MUC4: variants seen among roughly 807,000 people sequenced by gnomAD.
MUC4 encodes mucin-4.
In MUC4, 202 loss-of-function variants were observed where a neutral mutation model predicts 257.9. That is an observed-to-expected ratio of 0.78 (90% CI 0.70 to 0.88). MUC4 has a LOEUF of 0.88. MUC4 is among the 40% of genes least tolerant of loss of function. MUC4 has a pLI of 0.00. For synonymous variants in MUC4, 2,351 were observed against 2,757.1 expected (o/e 0.85, Z 4.62); for missense variants, 5,976 against 6,513.7 (o/e 0.92, Z 2.84).
intron 14 of MUC4, 143 bp from the exon 15 acceptor site, chr3:195,761,728 G>A (rs1022241376): frequency 1.0e-5 from 7 of 672,342 alleles, no homozygotes; most frequent in African/African-American, 3.6e-5. Context: ...GGGGAGCCGG[G>A]AGGACGGGCC....
At chr3:195,778,567 C>A (rs1725560967) in intron 2 of MUC4, 112 bp from the exon 3 acceptor site, 4 of 1,427,484 alleles carry the variant, frequency 2.8e-6, no homozygotes, top group Non-Finnish European at 3.8e-6. Context: ...CTCCTTGTCT[C>A]TCCCCTGCTC....
chr3:195,775,919 C>G (rs1408504969), intron 3 of MUC4, among the ~76,000 whole-genome samples: 93 of 54,168 alleles, frequency 1.7e-3, no homozygotes, highest in Middle Eastern at 0.013. Context: ...ACCTTCCACA[C>G]CCATACCTTC....
intron 1 of MUC4, among the ~76,000 whole-genome samples, chr3:195,807,240 G>A (rs3096335): frequency 0.54 from 82,796 of 152,012 alleles, 23,684 homozygotes; most frequent in East Asian, 0.76. Flanking sequence ...GAGCCGAGGC[G>A]AGCGGATCAC....
At chr3:195,753,399 C>T in intron 19 of MUC4, 169 bp from the exon 20 acceptor site, 1 of 631,506 alleles carries the variant, frequency 1.6e-6, no homozygotes. Context: ...CTCTGCAGGG[C>T]AACCCCTTTC....
At position 195,767,564 on chromosome 3, in the gene MUC4, C is replaced by CCACCATCAT. The variant is rs1560261761; in HGVS notation, c.13530-814_13530-813insATGATGGTG. 3.5e-4 allele frequency among the ~76,000 whole-genome samples: 12 copies of CCACCATCAT among 34,714 alleles called. No homozygotes were observed. In the East Asian group the frequency reaches 7.0e-3, roughly 20 times the overall value. 22.8% of individuals were successfully genotyped at this position (34,714 alleles called of 152,430 possible). A position where few individuals can be genotyped will look rare whatever the true frequency, so the allele number is the denominator to read the frequency against. ...ATCATCACCATCACCATTACCATTG[C>CCACCATCAT]CACCACCATCACCACCACCATCACC... On this transcript the variant is annotated intron_variant, in intron 7 of 24. Transcript: ENST00000463781.
Position 195,788,942 on chromosome 3 carries a change from A to T in MUC4, c.2638T>A (p.Ser880Thr). ...TGTCCTGTCGGTCTCCCTGCAGTGG[A>T]GGCCTCAGAGAGGGTGGGATGAAAG... ...GTFHPTLSEA[S>T]TAGRPTGQSS... Residue 880 changes from serine (S) to threonine (T), a missense_variant, in exon 2 of 25, where the codon TCC becomes ACC. By Grantham distance (58) the Ser-to-Thr change is moderately conservative (BLOSUM62 1). Transcript: ENST00000463781. 6.2e-7 allele frequency: 1 copy of T among 1,613,532 alleles called. No homozygotes were observed. Among genetic ancestry groups the T allele is most frequent in the Non-Finnish European group, 8.5e-7 (1 of 1,179,692 alleles).
Position 195,793,878 on chromosome 3 carries a change from C to T in MUC4, c.83-2381G>A, listed in dbSNP as rs140051460. ...AAAACCCAAGGGGTAAATGCATATA[C>T]TCTTGCCCTGGTCACAGACTACCAA... On this transcript the variant is annotated intron_variant, in intron 1 of 24. Coordinates refer to ENST00000463781, the MANE Select transcript of MUC4 (RefSeq NM_018406.7). Among the ~76,000 whole-genome samples the T allele has an allele frequency of 1.0e-3, 156 of 152,262 alleles. 1 individual carries two copies. The highest frequency in any genetic ancestry group is 3.6e-3 in the African/African-American group (150 of 41,534).
Position 195,754,337 on chromosome 3 carries a change from G to T in MUC4, c.15204C>A (p.Gly5068=). The T allele has an allele frequency of 6.2e-7, 1 of 1,611,592 alleles. No individual in the cohort carries two copies. Among genetic ancestry groups the T allele is most frequent in the Non-Finnish European group, 8.5e-7 (1 of 1,179,444 alleles). Residue 5068 remains glycine, a synonymous_variant, in exon 19 of 25, where the codon GGC becomes GGA. Transcript: ENST00000463781. ...AGCKCDGGTF[G]RYCEGSEDAC... ...CATCCTCGGAGCCCTCGCAGTAGCG[G>T]CCGAAGGTGCCCCCGTCACACTTGC...
intron 1 of MUC4, among the ~76,000 whole-genome samples, chr3:195,794,500 C>T (rs1734321028): frequency 6.6e-6 from 1 of 152,116 alleles, no homozygotes; most frequent in Non-Finnish European, 1.5e-5. Context: ...GTAGCTGGGA[C>T]TACAGGCACA....
chr3:195,786,507 T>A lies in MUC4; in HGVS notation c.5073A>T (p.Thr1691=). Residue 1691 remains threonine (T), a synonymous_variant, in exon 2 of 25, where the codon ACA becomes ACT. Coordinates refer to ENST00000463781, the MANE Select transcript of MUC4 (RefSeq NM_018406.7). ...TGACAGGAAGACGGGTGGTGTCATC[T>A]GTGGTAGCTGAGGAAAGGCCGGTGA... ...LPVTGLSSAT[T]DDTTRLPVTD... is the part of the protein sequence containing the mutation. 6.7e-7 allele frequency: 1 copy of A among 1,496,486 alleles called. No individual in the cohort carries two copies. The highest frequency in any genetic ancestry group is 8.9e-7 in the Non-Finnish European group (1 of 1,120,158). 92.7% of individuals were successfully genotyped at this position (1,496,486 alleles called of 1,614,324 possible).
intron 7 of MUC4, among the ~76,000 whole-genome samples, chr3:195,767,907 T>TCACCACCACCATCACCACCATCAC (rs1447659178): frequency 1.6e-5 from 1 of 63,258 alleles, no homozygotes; most frequent in African/African-American, 7.1e-5. Flanking sequence ...ATCACCACCA[T>TCACCACCACCATCACCACCATCAC]CACCATCGCC....
chr3:195,769,191 G>C lies in MUC4; in HGVS notation c.13399-39C>G, dbSNP rs1018606822. The stretch of plus-strand genomic sequence containing the variant: ...GAAGAAAACACAGGGATGCCCGTGA[G>C]AGATCCGGGGTCTCCTCTCTTATGT... On this transcript the variant is annotated intron_variant, in intron 6 of 24. Coordinates refer to ENST00000463781, the MANE Select transcript of MUC4 (RefSeq NM_018406.7). The C allele has an allele frequency of 5.0e-6, 8 of 1,609,680 alleles. No homozygotes were observed. In the Admixed American group the frequency reaches 5.0e-5, roughly 10 times the overall value.
rs1171500620 is a variant in MUC4, at chr3:195,790,421, A to ATG, written c.1157_1158dup (p.Phe387HisfsTer4). The ATG allele has an allele frequency of 1.2e-6, 2 of 1,613,650 alleles. No individual in the cohort carries two copies. The highest frequency in any genetic ancestry group is 1.7e-5 in the Admixed American group (1 of 60,020). On this transcript the variant is annotated frameshift_variant, in exon 2 of 25. Transcript: ENST00000463781. LOFTEE classifies it high-confidence loss of function. ...CTGAACACCTTTGATGTTACCAGGAATGTATTGCTGACACTGGAAGGGGAT... is the reference window on the plus strand; with the variant it reads ...CTGAACACCTTTGATGTTACCAGGAATGTGTATTGCTGACACTGGAAGGGGAT...
intron 7 of MUC4, among the ~76,000 whole-genome samples, chr3:195,768,624 A>T (rs1722132199): frequency 6.6e-6 from 1 of 152,250 alleles, no homozygotes; most frequent in South Asian, 2.1e-4. Flanking sequence ...TAGAATGGGG[A>T]TGATAAATAG....
chr3:195,772,186 GGGGTGGAGCCCTCCCTCCATCGCTCAGT>G (rs71180960), intron 4 of MUC4, among the ~76,000 whole-genome samples: 5 of 58,994 alleles, frequency 8.5e-5, no homozygotes, highest in African/African-American at 1.1e-4. Context: ...CATCGCTCAG[GGGGTGGAGCCCTCCCTCCATCGCTCAGT>G]GGGTGGAGCC....
chr3:195,770,470 C>T, intron 5 of MUC4, 99 bp from the exon 6 acceptor site: 1 of 1,368,244 alleles, frequency 7.3e-7, no homozygotes, highest in Non-Finnish European at 1.0e-6. Flanking sequence ...CTTCAGCCCA[C>T]CCAATGGCCT....
In MUC4 at chr3:195,779,270, A is replaced by G; in HGVS notation, c.12310T>C (p.Ser4104Pro). ...ATPLPLTSLS[S>P]VSTGDTTPLP... ...GGCGTGGTGTCACCTGTGGATACTG[A>G]GGAAAGGCTGGTGAGAGGAAGAGGG... is the stretch of plus-strand genomic sequence containing the variant. The change falls in exon 2 of 25, where the codon TCA becomes CCA. Residue 4104 changes from serine (S) to proline (P), a missense_variant. Ser to Pro is a moderately conservative substitution (Grantham distance 74, BLOSUM62 -1). Transcript: ENST00000463781. The G allele has an allele frequency of 7.2e-7, 1 of 1,381,036 alleles. No individual in the cohort carries two copies. The highest frequency in any genetic ancestry group is 9.6e-7 in the Non-Finnish European group (1 of 1,037,452). 85.5% of individuals were successfully genotyped at this position (1,381,036 alleles called of 1,614,324 possible). A position where few individuals can be genotyped will look rare whatever the true frequency, so the allele number is the denominator to read the frequency against.
Position 195,757,091 on chromosome 3 carries a change from C to T in MUC4, c.15168+56G>A. The stretch of plus-strand genomic sequence containing the variant: ...AGGCAGAATCACAGCATCCATTCCA[C>T]TCCCATTTCCTCTCCCCTCGGCACA... On this transcript the variant is annotated intron_variant, in intron 18 of 24. Transcript: ENST00000463781. The surrounding 1 kb of genome is among the most constrained non-coding windows in gnomAD (Gnocchi z 4.8). 1.3e-6 allele frequency: 2 copies of T among 1,529,558 alleles called. No individual in the cohort carries two copies. The highest frequency in any genetic ancestry group is 1.4e-5 in the African/African-American group (1 of 73,516). 94.7% of individuals were successfully genotyped at this position (1,529,558 alleles called of 1,614,324 possible).
chr3:195,767,684 C>CCA (rs1560263359), intron 7 of MUC4, among the ~76,000 whole-genome samples: 1 of 1,310 alleles, frequency 7.6e-4, no homozygotes, highest in Admixed American at 6.3e-3. Context: ...ACCACCATCA[C>CCA]TGGCCACCCC....
Sources: allele counts gnomAD v4.1 joint callset (sites outside exome capture counted in the v4.1 genomes callset), GRCh38; gene constraint gnomAD v4.1.1; non-coding constraint Gnocchi (gnomAD v3.1); transcripts MANE v1.5; gene names NCBI Gene and HGNC (gene_info 2026-07-23, HGNC 2026-07-21).